SHC4: variants seen among roughly 807,000 people sequenced by gnomAD.
SHC4 encodes SHC-transforming protein 4.
A neutral mutation model predicts 69.4 loss-of-function variants in SHC4; 41 were observed. That is an observed-to-expected ratio of 0.59 (90% confidence interval 0.46 to 0.77). SHC4 has a LOEUF of 0.77. SHC4 is among the 30% of genes least tolerant of loss of function. The pLI is 0.00. For missense variants in SHC4, 777 were observed against 783.8 expected, an observed-to-expected ratio of 0.99 and a Z score of 0.10; for synonymous variants, 318 against 299.3, an observed-to-expected ratio of 1.06 and a Z score of -0.64.
intron 1 of SHC4, among the ~76,000 whole-genome samples, chr15:48,954,582 C>A (rs1467210912): frequency 6.6e-6 from 1 of 152,224 alleles, no homozygotes; most frequent in Non-Finnish European, 1.5e-5. Flanking sequence ...ACTGGAGGAG[C>A]AGGGGACTAG....
chr15:48,900,373 G>C (rs985250389), intron 2 of SHC4, among the ~76,000 whole-genome samples: 1 of 152,058 alleles, frequency 6.6e-6, no homozygotes, highest in African/African-American at 2.4e-5. Context: ...CGGAAGTGGT[G>C]GTGGGCACCT....
At chr15:48,831,983 GGT>G (rs1898811764) in intron 11 of SHC4, among the ~76,000 whole-genome samples, 1 of 152,202 alleles carries the variant, frequency 6.6e-6, no homozygotes, top group Non-Finnish European at 1.5e-5. Flanking sequence ...TTTAAAGGAT[GGT>G]TTTGGCCAGG....
chr15:48,935,468 G>A (rs2141030392), intron 1 of SHC4, among the ~76,000 whole-genome samples: 1 of 152,282 alleles, frequency 6.6e-6, no homozygotes, highest in South Asian at 2.1e-4. Flanking sequence ...TGATTTATTT[G>A]AATGAACTAG....
chr15:48,917,562 T>C (rs1419131940), intron 2 of SHC4, among the ~76,000 whole-genome samples: 2 of 152,144 alleles, frequency 1.3e-5, no homozygotes, highest in Non-Finnish European at 2.9e-5. Flanking sequence ...CCCTTTTGCA[T>C]GAATATTCTA....
chr15:48,920,920 T>C (rs935100640), intron 2 of SHC4, among the ~76,000 whole-genome samples: 4 of 150,800 alleles, frequency 2.7e-5, no homozygotes, highest in African/African-American at 9.8e-5. Context: ...CTTGTCTCTA[T>C]ATATGAAGAA....
chr15:48,871,504 C>T (rs1899677179), intron 5 of SHC4, among the ~76,000 whole-genome samples: 3 of 152,208 alleles, frequency 2.0e-5, no homozygotes, highest in Non-Finnish European at 4.4e-5. Context: ...AATGACACTC[C>T]ATTCTGCAGA....
chr15:48,858,903 G>A (rs1899383152), intron 6 of SHC4, among the ~76,000 whole-genome samples: 1 of 152,222 alleles, frequency 6.6e-6, no homozygotes, highest in Non-Finnish European at 1.5e-5. Context: ...GAAAGCAGGG[G>A]AGAGGCAATG....
chr15:48,955,075 T>A (rs1389048696), intron 1 of SHC4, among the ~76,000 whole-genome samples: 4 of 152,104 alleles, frequency 2.6e-5, no homozygotes, highest in South Asian at 4.1e-4. Context: ...AAAAGCTCCA[T>A]GAGTTGAGAA....
intron 6 of SHC4, among the ~76,000 whole-genome samples, chr15:48,864,925 C>A (rs901668464): frequency 6.6e-6 from 1 of 152,206 alleles, no homozygotes; most frequent in African/African-American, 2.4e-5. Context: ...CTGTGGGACC[C>A]CTACTTCCAC....
chr15:48,866,097 T>C (rs1218026673), intron 6 of SHC4, among the ~76,000 whole-genome samples: 1 of 152,210 alleles, frequency 6.6e-6, no homozygotes, highest in Non-Finnish European at 1.5e-5. Context: ...TTTCTTCCTT[T>C]CACCCTGTCA....
intron 11 of SHC4, among the ~76,000 whole-genome samples, chr15:48,833,233 T>TG (rs1259069113): frequency 2.0e-5 from 3 of 152,082 alleles, no homozygotes; most frequent in Non-Finnish European, 2.9e-5. Flanking sequence ...AAACCTTCTG[T>TG]GGGGGGACGT....
chr15:48,885,292 A>G (rs972167569), intron 3 of SHC4, among the ~76,000 whole-genome samples: 1 of 152,102 alleles, frequency 6.6e-6, no homozygotes, highest in East Asian at 1.9e-4. Context: ...TTAGACAAAT[A>G]AACTTTCTAA....
intron 2 of SHC4, among the ~76,000 whole-genome samples, chr15:48,914,162 G>A (rs151231102): frequency 6.4e-4 from 98 of 152,330 alleles, no homozygotes; most frequent in East Asian, 2.7e-3. Flanking sequence ...CGCCCGGCGC[G>A]ACATTGTGCG....
intron 6 of SHC4, among the ~76,000 whole-genome samples, chr15:48,865,939 C>A (rs142139476): frequency 1.8e-3 from 276 of 152,304 alleles, no homozygotes; most frequent in African/African-American, 6.3e-3. Flanking sequence ...GCTTTGCAGG[C>A]ATGTGGATCC....
At chr15:48,865,227 T>C (rs544398530) in intron 6 of SHC4, among the ~76,000 whole-genome samples, 7 of 152,306 alleles carry the variant, frequency 4.6e-5, no homozygotes, top group African/African-American at 1.7e-4. Flanking sequence ...ATCACCTCTT[T>C]GCGGGCACTG....
chr15:48,825,268 G>T lies in SHC4; in HGVS notation c.*703C>A, dbSNP rs1465656738. On this transcript the variant is annotated 3_prime_UTR_variant, in exon 12 of 12. Coordinates refer to ENST00000332408, the MANE Select transcript of SHC4 (RefSeq NM_203349.4). ...TTCAGCTTGTCACATGCTGTATTTA[G>T]ACAGTCTGAATAGCAAACACTGAGA... is the stretch of plus-strand genomic sequence containing the variant. 6.6e-6 allele frequency: 1 copy of T among 151,964 alleles called. No homozygotes were observed. Among genetic ancestry groups the T allele is most frequent in the Non-Finnish European group, 1.5e-5 (1 of 68,006 alleles). The allele number at this position is 151,964 out of a possible 1,614,324, so 9.4% of individuals were successfully genotyped here.
intron 2 of SHC4, among the ~76,000 whole-genome samples, chr15:48,900,140 T>C (rs1250336393): frequency 6.6e-6 from 1 of 152,196 alleles, no homozygotes; most frequent in Non-Finnish European, 1.5e-5. Context: ...GTAGTCACTC[T>C]ATATTCTGGG....
intron 4 of SHC4, chr15:48,879,914 A>C (rs1398489898): frequency 6.0e-6 from 1 of 167,104 alleles, no homozygotes; most frequent in Non-Finnish European, 1.5e-5. Context: ...TATCTAATTC[A>C]CAAATTAATT....
intron 4 of SHC4, among the ~76,000 whole-genome samples, chr15:48,874,791 T>C (rs181592984): frequency 1.6e-4 from 25 of 152,352 alleles, no homozygotes; most frequent in Admixed American, 3.3e-4. Context: ...GGTGGCAGGC[T>C]ACATAGTGGC....
Sources: allele counts gnomAD v4.1 joint callset (sites outside exome capture counted in the v4.1 genomes callset), GRCh38; gene constraint gnomAD v4.1.1; transcripts MANE v1.5; gene names NCBI Gene and HGNC (gene_info 2026-07-23, HGNC 2026-07-21).